Variants in DAPL1 observed in about 807,000 individuals in gnomAD.
DAPL1 encodes the protein death-associated protein-like 1.
In DAPL1, 17 loss-of-function variants were observed where a neutral mutation model predicts 12.9. The ratio of observed to expected loss-of-function variants is 1.32; its 90% CI spans 0.90 to 1.98. DAPL1 has a LOEUF of 1.98. Among genes scored for constraint, DAPL1 ranks in the 30% most tolerant of loss-of-function variants. DAPL1 has a pLI of 0.00. For synonymous variants in DAPL1, 51 were observed against 42.0 expected (o/e 1.21, Z -0.82); for missense variants, 157 against 125.7 (o/e 1.25, Z -1.19).
intron 3 of DAPL1, among the ~76,000 whole-genome samples, chr2:158,812,536 A>G (rs2102749): frequency 6.6e-6 from 1 of 152,128 alleles, no homozygotes; most frequent in African/African-American, 2.4e-5. Context: ...GCTCATAACT[A>G]GAATCCTAGC....
intron 1 of DAPL1, among the ~76,000 whole-genome samples, chr2:158,801,581 T>C (rs2059168215): frequency 6.6e-6 from 1 of 152,176 alleles, no homozygotes; most frequent in African/African-American, 2.4e-5. Context: ...ATAAAGAATG[T>C]GCATATATAT....
In DAPL1 at chr2:158,804,381, T is replaced by A; in HGVS notation, c.146+12T>A. The A allele has an allele frequency of 6.3e-7, 1 of 1,587,306 alleles. No homozygotes were observed. Among genetic ancestry groups the A allele is most frequent in the Middle Eastern group, 1.7e-4 (1 of 5,988 alleles). ...TTCGAGAAAACAAGGTAGGGACTCT[T>A]AATTTTTCTCCATCACCTTGAGGAG... On this transcript the variant is annotated intron_variant, in intron 2 of 3. Coordinates refer to ENST00000309950, the MANE Select transcript of DAPL1 (RefSeq NM_001017920.3).
chr2:158,803,971 A>G (rs1337642334), intron 1 of DAPL1, among the ~76,000 whole-genome samples: 1 of 152,108 alleles, frequency 6.6e-6, no homozygotes, highest in Non-Finnish European at 1.5e-5. Context: ...AATAAGAAAA[A>G]ATGTTTTTCA....
intron 3 of DAPL1, among the ~76,000 whole-genome samples, chr2:158,812,605 G>A (rs1215057479): frequency 6.6e-6 from 1 of 152,038 alleles, no homozygotes; most frequent in East Asian, 1.9e-4. Flanking sequence ...ACCAGCCTGG[G>A]CAACATAGAA....
intron 1 of DAPL1, among the ~76,000 whole-genome samples, chr2:158,800,923 T>G (rs2105149123): frequency 6.6e-6 from 1 of 152,314 alleles, no homozygotes; most frequent in Middle Eastern, 3.4e-3. Flanking sequence ...CCCTGCAACC[T>G]CTGCCTCCCA....
chr2:158,795,816 A>G (rs1448031410), intron 1 of DAPL1, among the ~76,000 whole-genome samples: 1 of 152,182 alleles, frequency 6.6e-6, no homozygotes, highest in Non-Finnish European at 1.5e-5. Context: ...TTCTCTTTAG[A>G]GGTTCCAGCT....
chr2:158,799,649 T>C (rs891300234), intron 1 of DAPL1, among the ~76,000 whole-genome samples: 2 of 152,246 alleles, frequency 1.3e-5, no homozygotes, highest in South Asian at 2.1e-4. Flanking sequence ...AGGGATATTA[T>C]CTTCCGCTTC....
chr2:158,804,502 C>G (rs1434663400), intron 2 of DAPL1, 133 bp downstream of exon 2: 6 of 528,610 alleles, frequency 1.1e-5, no homozygotes, highest in South Asian at 9.3e-5. Context: ...AGGGGGAGGG[C>G]GTGATCCGTG....
At chr2:158,815,588 A>G in intron 3 of DAPL1, 117 bp from the exon 4 acceptor site, 1 of 752,924 alleles carries the variant, frequency 1.3e-6, no homozygotes, top group Non-Finnish European at 2.3e-6. Context: ...GATATTATCA[A>G]ATAAATAAAC....
chr2:158,797,706 G>A (rs568431984), intron 1 of DAPL1, among the ~76,000 whole-genome samples: 6 of 151,988 alleles, frequency 3.9e-5, no homozygotes, highest in South Asian at 2.1e-4. Flanking sequence ...CAGAAGAATC[G>A]CTTGAACCCA....
At chr2:158,796,107 T>C (rs774809561) in intron 1 of DAPL1, among the ~76,000 whole-genome samples, 2 of 152,222 alleles carry the variant, frequency 1.3e-5, no homozygotes, top group Non-Finnish European at 2.9e-5. Flanking sequence ...TGGAAATTAG[T>C]TTTATTGTAC....
At chr2:158,809,502 T>C (rs1217768949) in intron 3 of DAPL1, among the ~76,000 whole-genome samples, 1 of 152,168 alleles carries the variant, frequency 6.6e-6, no homozygotes, top group Non-Finnish European at 1.5e-5. Context: ...GCATCAGCCA[T>C]AGGCTGCCGG....
intron 1 of DAPL1, among the ~76,000 whole-genome samples, chr2:158,799,180 T>C (rs910927219): frequency 6.6e-6 from 1 of 152,200 alleles, no homozygotes; most frequent in Non-Finnish European, 1.5e-5. Context: ...TAAAAGAGCA[T>C]CTCCCTTTTT....
At chr2:158,814,935 T>G (rs777860688) in intron 3 of DAPL1, among the ~76,000 whole-genome samples, 22 of 152,152 alleles carry the variant, frequency 1.4e-4, no homozygotes, top group Non-Finnish European at 2.5e-4. Context: ...ATTCTCCTCC[T>G]AGGAAAACCA....
intron 1 of DAPL1, among the ~76,000 whole-genome samples, chr2:158,795,863 G>A (rs886687356): frequency 6.6e-6 from 1 of 152,174 alleles, no homozygotes; most frequent in African/African-American, 2.4e-5. Flanking sequence ...TGTGCATCAT[G>A]TGACTTCCTA....
At chr2:158,815,672 T>G in intron 3 of DAPL1, 33 bp from the exon 4 acceptor site, 1 of 1,293,686 alleles carries the variant, frequency 7.7e-7, no homozygotes, top group South Asian at 1.2e-5. Context: ...GAAGATCCAA[T>G]ATGCCTATTT....
rs1277004898 is a variant in DAPL1, at chr2:158,804,157, C to T, written c.59-125C>T. 4 of 649,360 alleles carry T rather than the reference C, an allele frequency of 6.2e-6. No individual in the cohort carries two copies. In the East Asian group the frequency reaches 8.6e-5, roughly 14 times the overall value. 40.2% of individuals were successfully genotyped at this position (649,360 alleles called of 1,614,324 possible). Reference sequence around the variant, plus strand: ...ATATTTTTTATTGTGTTGTTTTATACAAACGTTTAGATCTTTAAAAAATAA... The same window carrying T: ...ATATTTTTTATTGTGTTGTTTTATATAAACGTTTAGATCTTTAAAAAATAA... On this transcript the variant is annotated intron_variant, in intron 1 of 3. Coordinates refer to ENST00000309950, the MANE Select transcript of DAPL1 (RefSeq NM_001017920.3).
Position 158,804,320 on chromosome 2 carries a change from A to C in DAPL1, c.97A>C (p.Ile33Leu). The C allele has an allele frequency of 6.2e-7, 1 of 1,612,030 alleles. No homozygotes were observed. The highest frequency in any genetic ancestry group is 1.1e-5 in the South Asian group (1 of 90,578). The change falls in exon 2 of 4, where the codon ATT (isoleucine) becomes CTT (leucine). Residue 33 changes from isoleucine to leucine, a missense_variant. Physicochemically the swap from Ile to Leu is conservative, Grantham distance 5. Coordinates refer to ENST00000309950, the MANE Select transcript of DAPL1 (RefSeq NM_001017920.3). ...AATGAGAATTTCCAAAAAACAAGAA[A>C]TTGGCACCTTGGAAAGACATACCAA... ...GGMRISKKQE[I>L]GTLERHTKKT... is the part of the protein sequence containing the mutation.
intron 2 of DAPL1, 111 bp from the exon 3 acceptor site, chr2:158,806,943 TA>T: frequency 1.3e-6 from 1 of 779,426 alleles, no homozygotes; most frequent in Non-Finnish European, 2.2e-6. Context: ...TAGATGTTCC[TA>T]AGCAAAGTGA....
Sources: allele counts gnomAD v4.1 joint callset (sites outside exome capture counted in the v4.1 genomes callset), GRCh38; gene constraint gnomAD v4.1.1; transcripts MANE v1.5; gene names NCBI Gene and HGNC (gene_info 2026-07-23, HGNC 2026-07-21).